The following NCMAP variants were observed in gnomAD, a reference collection of about 807,000 sequenced individuals.
NCMAP encodes the protein non-compact myelin associated protein.
Under a neutral mutation model 7.8 loss-of-function variants are expected in NCMAP, and 8 were observed. The observed-to-expected ratio is 1.02, with a 90% confidence interval of 0.60 to 1.84. The LOEUF (loss-of-function observed/expected upper bound fraction) is 1.84, where lower values mean the gene tolerates loss of function less well. Ranked by LOEUF, NCMAP falls within the 40% of genes most tolerant of loss-of-function variation. The pLI, the probability that NCMAP is intolerant of heterozygous loss-of-function variation, is 0.00. For missense variants in NCMAP, 112 were observed against 131.4 expected, an observed-to-expected ratio of 0.85 and a Z score of 0.72; for synonymous variants, 41 against 52.9, an observed-to-expected ratio of 0.78 and a Z score of 0.98.
In NCMAP at chr1:24,609,002, G is replaced by A. The variant is rs1330572492; in HGVS notation, c.*3255G>A. 6.6e-6 allele frequency: 1 copy of A among 152,274 alleles called. No individual in the cohort carries two copies. Among genetic ancestry groups the A allele is most frequent in the African/African-American group, 2.4e-5 (1 of 41,448 alleles). The allele number at this position is 152,274 out of a possible 1,614,324, so 9.4% of individuals were successfully genotyped here. On this transcript the variant is annotated 3_prime_UTR_variant, in exon 4 of 4. Transcript: ENST00000374392. The stretch of plus-strand genomic sequence containing the variant: ...TGCTAAATGAAGGCTTGGAGTTGGA[G>A]GGAAGAAGGGGAGATGGAGTGGTGA...
intron 1 of NCMAP, among the ~76,000 whole-genome samples, chr1:24,591,197 G>T (rs1652037002): frequency 6.6e-6 from 1 of 152,242 alleles, no homozygotes; most frequent in Admixed American, 6.5e-5. Flanking sequence ...GAGCTGCTGT[G>T]GGAGGGTAGG....
At chr1:24,577,175 T>C (rs1017249030) in intron 1 of NCMAP, among the ~76,000 whole-genome samples, 2 of 151,912 alleles carry the variant, frequency 1.3e-5, no homozygotes, top group Non-Finnish European at 2.9e-5. Context: ...ATAAAAAGGA[T>C]GTCACATGCT....
At chr1:24,573,933 G>C (rs1162551402) in intron 1 of NCMAP, among the ~76,000 whole-genome samples, 1 of 104,378 alleles carries the variant, frequency 9.6e-6, no homozygotes, top group Non-Finnish European at 2.0e-5. Flanking sequence ...CATGCACTCT[G>C]CTGGGGACCC....
chr1:24,559,193 T>C (rs1650981506), intron 1 of NCMAP, among the ~76,000 whole-genome samples: 1 of 152,204 alleles, frequency 6.6e-6, no homozygotes, highest in African/African-American at 2.4e-5. Context: ...GGCCGGTTTG[T>C]TTGTCCTGGA....
chr1:24,597,062 G>A (rs534608962), intron 2 of NCMAP, among the ~76,000 whole-genome samples: 4 of 152,256 alleles, frequency 2.6e-5, no homozygotes, highest in African/African-American at 4.8e-5. Flanking sequence ...CTCCCAGGAC[G>A]GGGTCCCATG....
intron 1 of NCMAP, among the ~76,000 whole-genome samples, chr1:24,577,861 G>A (rs1651630943): frequency 6.6e-6 from 1 of 152,014 alleles, no homozygotes; most frequent in Admixed American, 6.6e-5. Context: ...CCGGGGGTCG[G>A]GGGTCTTACA....
intron 1 of NCMAP, 55 bp from the exon 2 acceptor site, chr1:24,595,369 G>C: frequency 8.0e-7 from 1 of 1,246,828 alleles, no homozygotes; most frequent in African/African-American, 1.5e-5. Flanking sequence ...GCATCAAGTA[G>C]CAATAATAAG....
chr1:24,581,676 C>G (rs1177306183), intron 1 of NCMAP, among the ~76,000 whole-genome samples: 1 of 152,202 alleles, frequency 6.6e-6, no homozygotes, highest in Non-Finnish European at 1.5e-5. Context: ...TGATGAGGCT[C>G]ATGGAGGGGC....
chr1:24,591,133 C>T (rs74062019), intron 1 of NCMAP, among the ~76,000 whole-genome samples: 7,468 of 152,312 alleles, frequency 0.049, 677 homozygotes, highest in African/African-American at 0.17. Flanking sequence ...TGAAATGTAG[C>T]ATTAATGGCA....
intron 1 of NCMAP, among the ~76,000 whole-genome samples, chr1:24,580,906 G>A (rs1651723012): frequency 6.6e-6 from 1 of 152,192 alleles, no homozygotes; most frequent in East Asian, 1.9e-4. Context: ...TTTCCAGGCT[G>A]TTAAGTCATA....
chr1:24,587,807 C>T (rs759370691), intron 1 of NCMAP, among the ~76,000 whole-genome samples: 1 of 152,096 alleles, frequency 6.6e-6, no homozygotes, highest in Non-Finnish European at 1.5e-5. Context: ...GCCACCACTC[C>T]CCACCAGAAA....
chr1:24,603,185 G>A (rs4649002), intron 3 of NCMAP, among the ~76,000 whole-genome samples: 89,903 of 151,870 alleles, frequency 0.59, 26,956 homozygotes, highest in African/African-American at 0.68. Flanking sequence ...ACAACCGCAC[G>A]AGGTGGGTAC....
rs115084385 is a variant in NCMAP, at chr1:24,603,059, A to G, written c.167+2035A>G. ...CATCTCAAAAAATAAACAAAATAAA[A>G]TAAAATAAATAAATAATAAATAAAA... On this transcript the variant is annotated intron_variant, in intron 3 of 3. Transcript: ENST00000374392. Among the ~76,000 whole-genome samples, 1,091 of 152,136 alleles carry G rather than the reference A, an allele frequency of 7.2e-3. 6 individuals carry two copies. Among genetic ancestry groups the G allele is most frequent in the African/African-American group, 0.024 (1,003 of 41,544 alleles).
chr1:24,563,549 AAAAG>A (rs1342187554), intron 1 of NCMAP: 8 of 150,478 alleles, frequency 5.3e-5, no homozygotes, highest in Admixed American at 2.7e-4. Flanking sequence ...AAAAAAAAAA[AAAAG>A]AAAGAAAAAG....
chr1:24,585,645 C>T (rs538631736), intron 1 of NCMAP, among the ~76,000 whole-genome samples: 3 of 152,290 alleles, frequency 2.0e-5, no homozygotes, highest in African/African-American at 7.2e-5. Flanking sequence ...GATCAGGTAG[C>T]AAATGAGTGA....
intron 3 of NCMAP, among the ~76,000 whole-genome samples, chr1:24,602,784 G>A (rs1487459223): frequency 6.6e-6 from 1 of 151,086 alleles, no homozygotes; most frequent in Non-Finnish European, 1.5e-5. Context: ...GCCGGGCGTG[G>A]TGGCTCACAC....
At chr1:24,587,738 C>T (rs1157899290) in intron 1 of NCMAP, among the ~76,000 whole-genome samples, 1 of 152,084 alleles carries the variant, frequency 6.6e-6, no homozygotes, top group East Asian at 1.9e-4. Flanking sequence ...GTCTCGAACT[C>T]CTGGGCTCAA....
chr1:24,584,994 T>G (rs1651842484), intron 1 of NCMAP, among the ~76,000 whole-genome samples: 1 of 150,788 alleles, frequency 6.6e-6, no homozygotes, highest in Non-Finnish European at 1.5e-5. Flanking sequence ...GGTGGGGGCA[T>G]GAGTGGATAG....
chr1:24,572,621 C>T (rs1196530664), intron 1 of NCMAP, among the ~76,000 whole-genome samples: 1 of 150,654 alleles, frequency 6.6e-6, no homozygotes, highest in African/African-American at 2.5e-5. Flanking sequence ...CCGCCCCTCC[C>T]CACTGCTCAG....
Sources: gnomAD v4.1 joint callset for allele counts (sites outside exome capture counted in the v4.1 genomes callset) on GRCh38, gnomAD v4.1.1 for gene constraint, MANE v1.5 for transcripts, NCBI Gene and HGNC (gene_info 2026-07-23, HGNC 2026-07-21) for gene names.